MACROD2: variants seen among roughly 807,000 people sequenced by gnomAD.
MACROD2 encodes the protein ADP-ribose glycohydrolase MACROD2.
In MACROD2, 36 loss-of-function variants were observed where a neutral mutation model predicts 70.4. That is an observed-to-expected ratio of 0.51 (90% confidence interval 0.39 to 0.68). The LOEUF is 0.68. Among genes scored for constraint, MACROD2 ranks in the 30% least tolerant of loss-of-function variants. MACROD2 has a pLI of 0.00. For missense variants in MACROD2, 496 were observed against 538.4 expected, an observed-to-expected ratio of 0.92 and a Z score of 0.78; for synonymous variants, 172 against 178.8, an observed-to-expected ratio of 0.96 and a Z score of 0.30.
At chr20:14,827,801 T>G (rs1321547095) in intron 5 of MACROD2, among the ~76,000 whole-genome samples, 1 of 152,082 alleles carries the variant, frequency 6.6e-6, no homozygotes, top group Non-Finnish European at 1.5e-5. Flanking sequence ...TTTACAAGCC[T>G]AATTATTGAC....
rs201886717 is a variant in MACROD2 at position 15,427,673 on chromosome 20, GC to G, written c.541-3730del. On this transcript the variant is annotated intron_variant, in intron 6 of 17. Coordinates refer to ENST00000684519, the MANE Select transcript of MACROD2 (RefSeq NM_001351661.2). The stretch of plus-strand genomic sequence containing the variant: ...GGACCCTTCAGTGTTGTACTGATGA[GC>G]CAAGGTGGCCAGGCCTTATACCACT... Among the ~76,000 whole-genome samples the G allele has an allele frequency of 1.2e-3, 188 of 152,310 alleles. 4 individuals are homozygous for G. The East Asian group carries it at 0.033, about 27-fold the overall frequency.
At chr20:14,077,346 A>G (rs2053927644) in intron 2 of MACROD2, among the ~76,000 whole-genome samples, 1 of 152,324 alleles carries the variant, frequency 6.6e-6, no homozygotes, top group Non-Finnish European at 1.5e-5. Flanking sequence ...AGATTACACT[A>G]TAAAGAAACA....
intron 6 of MACROD2, among the ~76,000 whole-genome samples, chr20:15,387,528 C>A (rs976764285): frequency 3.3e-5 from 5 of 149,986 alleles, no homozygotes; most frequent in Non-Finnish European, 5.9e-5. Context: ...CTCTTTATTT[C>A]TCCCTCTCCT....
At chr20:15,661,057 T>A (rs1420321097) in intron 8 of MACROD2, among the ~76,000 whole-genome samples, 1 of 152,210 alleles carries the variant, frequency 6.6e-6, no homozygotes, top group Non-Finnish European at 1.5e-5. Flanking sequence ...TCTTACTATT[T>A]GTGAGACCTC....
intron 6 of MACROD2, among the ~76,000 whole-genome samples, chr20:15,306,549 G>C (rs1483590285): frequency 6.6e-6 from 1 of 152,122 alleles, no homozygotes; most frequent in Non-Finnish European, 1.5e-5. Context: ...ACCCAAGCTA[G>C]AAGCTATGCT....
At chr20:15,438,678 C>T (rs374617071) in intron 7 of MACROD2, among the ~76,000 whole-genome samples, 25 of 152,144 alleles carry the variant, frequency 1.6e-4, no homozygotes, top group Non-Finnish European at 2.9e-4. Flanking sequence ...CCTCATGTTG[C>T]TCCATAGATT....
At chr20:15,154,940 A>T (rs938031597) in intron 5 of MACROD2, among the ~76,000 whole-genome samples, 4 of 152,198 alleles carry the variant, frequency 2.6e-5, no homozygotes, top group African/African-American at 7.2e-5. Context: ...TCAGTGGGGA[A>T]AAGAGTGAGA....
chr20:14,833,682 C>T (rs941235458), intron 5 of MACROD2, among the ~76,000 whole-genome samples: 5 of 152,000 alleles, frequency 3.3e-5, no homozygotes, highest in Admixed American at 6.6e-5. Flanking sequence ...TAGGACAAAA[C>T]GGTCACCTCA....
chr20:15,108,484 C>G (rs747833528), intron 5 of MACROD2, among the ~76,000 whole-genome samples: 3 of 152,020 alleles, frequency 2.0e-5, no homozygotes, highest in African/African-American at 7.2e-5. Flanking sequence ...CATGGAGTGG[C>G]CTTATTCTAT....
chr20:15,221,795 A>G (rs539158487), intron 5 of MACROD2, among the ~76,000 whole-genome samples: 15 of 152,336 alleles, frequency 9.8e-5, no homozygotes, highest in African/African-American at 3.4e-4. Context: ...AAAACATATT[A>G]TCAGCACATG....
intron 4 of MACROD2, chr20:14,627,188 C>G (rs1984222962): frequency 6.6e-6 from 1 of 152,104 alleles, no homozygotes; most frequent in Admixed American, 6.6e-5. Flanking sequence ...CTGTATGTAC[C>G]ACCTCGATAT....
chr20:15,317,477 C>CATCTA (rs1325813940), intron 6 of MACROD2, among the ~76,000 whole-genome samples: 57 of 145,532 alleles, frequency 3.9e-4, no homozygotes, highest in Admixed American at 3.5e-3. Context: ...TCTGTCCATC[C>CATCTA]ATCTAATCTA....
chr20:14,638,152 A>T (rs1984885135), intron 4 of MACROD2, among the ~76,000 whole-genome samples: 1 of 152,082 alleles, frequency 6.6e-6, no homozygotes, highest in South Asian at 2.1e-4. Context: ...TGGTAGTTTA[A>T]TTATTGTTAT....
intron 3 of MACROD2, among the ~76,000 whole-genome samples, chr20:14,251,671 A>T (rs2082013722): frequency 6.6e-6 from 1 of 152,094 alleles, no homozygotes; most frequent in Non-Finnish European, 1.5e-5. Flanking sequence ...AGCAGAAAAC[A>T]ATTATTTAAG....
chr20:15,522,843 C>G (rs971464471), intron 8 of MACROD2, among the ~76,000 whole-genome samples: 2 of 152,012 alleles, frequency 1.3e-5, no homozygotes, highest in Non-Finnish European at 2.9e-5. Flanking sequence ...CGTAAGCCTG[C>G]CTTTTGGATC....
chr20:14,871,965 G>T (rs6034052), intron 5 of MACROD2, among the ~76,000 whole-genome samples: 23,022 of 152,062 alleles, frequency 0.15, 2,017 homozygotes, highest in Non-Finnish European at 0.2. Context: ...TCAGGAAGAA[G>T]ATCTAACTAT....
chr20:15,265,643 T>A (rs1249998722), intron 6 of MACROD2, among the ~76,000 whole-genome samples: 1 of 152,248 alleles, frequency 6.6e-6, no homozygotes, highest in African/African-American at 2.4e-5. Context: ...TCTGTAAATA[T>A]GCCAACTGCA....
chr20:14,181,788 A>G (rs947576632), intron 3 of MACROD2, among the ~76,000 whole-genome samples: 1 of 152,200 alleles, frequency 6.6e-6, no homozygotes, highest in African/African-American at 2.4e-5. Context: ...AATGCTTTGA[A>G]GAGTCATCAA....
At chr20:15,202,651 G>A (rs1272011202) in intron 5 of MACROD2, among the ~76,000 whole-genome samples, 1 of 152,172 alleles carries the variant, frequency 6.6e-6, no homozygotes, top group Non-Finnish European at 1.5e-5. Flanking sequence ...GACCTATCTT[G>A]CTGGGTTCCT....
Sources: allele counts gnomAD v4.1 joint callset (sites outside exome capture counted in the v4.1 genomes callset), GRCh38; gene constraint gnomAD v4.1.1; transcripts MANE v1.5; gene names NCBI Gene and HGNC (gene_info 2026-07-23, HGNC 2026-07-21).